FANK1: variants seen among roughly 807,000 people sequenced by gnomAD.
The protein encoded by FANK1 is fibronectin type III and ankyrin repeat domains 1.
Under a neutral mutation model 45.3 loss-of-function variants are expected in FANK1, and 44 were observed. That is an observed-to-expected ratio of 0.97 (90% CI 0.76 to 1.25). FANK1 has a LOEUF of 1.25. Ranked by LOEUF, FANK1 falls within the 50% of genes most tolerant of loss-of-function variation. The pLI is 0.00. For missense variants in FANK1, 391 were observed against 424.4 expected (o/e 0.92, Z 0.69); for synonymous variants, 149 against 152.5 (o/e 0.98, Z 0.17).
intron 3 of FANK1, among the ~76,000 whole-genome samples, chr10:125,992,472 G>A (rs1228874364): frequency 6.6e-6 from 1 of 152,156 alleles, no homozygotes; most frequent in Non-Finnish European, 1.5e-5. Flanking sequence ...CAAGGACTGA[G>A]GAACAATTAT....
At chr10:125,946,642 T>C (rs1261028914) in intron 1 of FANK1, among the ~76,000 whole-genome samples, 1 of 150,488 alleles carries the variant, frequency 6.6e-6, no homozygotes, top group African/African-American at 2.4e-5. Context: ...TTGGTGTACC[T>C]GAAAGTGATG....
intron 1 of FANK1, among the ~76,000 whole-genome samples, chr10:125,938,541 G>T (rs1948245480): frequency 6.6e-6 from 1 of 152,204 alleles, no homozygotes; most frequent in Admixed American, 6.5e-5. Flanking sequence ...TGACACGGTG[G>T]TTTACACCTG....
intron 1 of FANK1, among the ~76,000 whole-genome samples, chr10:125,955,054 T>C (rs1396090974): frequency 6.6e-6 from 1 of 152,044 alleles, no homozygotes; most frequent in Non-Finnish European, 1.5e-5. Flanking sequence ...TGTTGATTGC[T>C]TTGCTCCACC....
intron 1 of FANK1, among the ~76,000 whole-genome samples, chr10:125,956,128 C>T (rs1350499786): frequency 7.1e-6 from 1 of 140,026 alleles, no homozygotes; most frequent in Non-Finnish European, 1.5e-5. Context: ...AGGCGTTCTG[C>T]CTAGCAAGGA....
Position 125,918,414 on chromosome 10 carries a change from G to T in FANK1, c.13+21759G>T, listed in dbSNP as rs371646842. ...CTACTAAAAATACAAAAATTCGCTA[G>T]GTGTGGTGGCGGGTACCTGTAATCC... On this transcript the variant is annotated intron_variant, in intron 1 of 10. Coordinates refer to ENST00000368693, the MANE Select transcript of FANK1 (RefSeq NM_145235.5). Among the ~76,000 whole-genome samples the T allele has an allele frequency of 4.6e-5, 7 of 152,136 alleles. No homozygotes were observed. The South Asian group carries it at 1.4e-3, about 31-fold the overall frequency.
chr10:125,902,961 T>A (rs1469805250), intron 1 of FANK1, among the ~76,000 whole-genome samples: 2 of 152,150 alleles, frequency 1.3e-5, no homozygotes, highest in African/African-American at 4.8e-5. Context: ...TTAAAAAAAA[T>A]TTTCAAAGCA....
chr10:125,961,846 A>C (rs887384655), intron 1 of FANK1, among the ~76,000 whole-genome samples: 1 of 152,220 alleles, frequency 6.6e-6, no homozygotes, highest in Middle Eastern at 3.2e-3. Flanking sequence ...CAGGGAGCTC[A>C]GGCAGGTGGA....
intron 1 of FANK1, among the ~76,000 whole-genome samples, chr10:125,919,352 C>T (rs568630944): frequency 7.8e-4 from 118 of 151,710 alleles, no homozygotes; most frequent in African/African-American, 2.8e-3. Context: ...ATTACAGGCA[C>T]ACACCACCAC....
intron 6 of FANK1, among the ~76,000 whole-genome samples, chr10:125,998,195 C>T (rs1234503283): frequency 6.6e-6 from 1 of 152,212 alleles, no homozygotes; most frequent in African/African-American, 2.4e-5. Context: ...GCTTCAGGGG[C>T]TGTGGTCACA....
chr10:125,940,385 A>G (rs1948373171), intron 1 of FANK1, among the ~76,000 whole-genome samples: 1 of 152,146 alleles, frequency 6.6e-6, no homozygotes, highest in Non-Finnish European at 1.5e-5. Flanking sequence ...AAGGGAAGAT[A>G]CTATGCCTGG....
At chr10:125,899,698 A>G (rs972121291) in intron 1 of FANK1, among the ~76,000 whole-genome samples, 6 of 152,254 alleles carry the variant, frequency 3.9e-5, no homozygotes, top group Admixed American at 6.5e-5. Flanking sequence ...TGGAAGCACT[A>G]CAGACGTGGC....
chr10:125,978,174 A>C (rs574061332), intron 1 of FANK1, among the ~76,000 whole-genome samples: 1 of 152,310 alleles, frequency 6.6e-6, no homozygotes, highest in Admixed American at 6.5e-5. Context: ...GAAACAGCAA[A>C]TATGGCAGCC....
In FANK1 at chr10:125,931,259, A is replaced by G. The variant is rs575063088; in HGVS notation, c.13+34604A>G. Among the ~76,000 whole-genome samples, 10 of 152,308 alleles carry G rather than the reference A, an allele frequency of 6.6e-5. No homozygotes were observed. The East Asian group carries it at 1.5e-3, about 24-fold the overall frequency. ...TAGTGGAATTGCTGGATCAAATGGT[A>G]GTTCTACTTTTAGTTCTTTAAGGAA... is the stretch of plus-strand genomic sequence containing the variant. On this transcript the variant is annotated intron_variant, in intron 1 of 10. Coordinates refer to ENST00000368693, the MANE Select transcript of FANK1 (RefSeq NM_145235.5).
chr10:125,909,837 T>C (rs1250160626), intron 1 of FANK1, among the ~76,000 whole-genome samples: 1 of 152,058 alleles, frequency 6.6e-6, no homozygotes, highest in Admixed American at 6.6e-5. Context: ...TATCATTGTT[T>C]TTTAGTACTT....
chr10:125,930,116 A>T (rs968943787), intron 1 of FANK1, among the ~76,000 whole-genome samples: 25 of 152,002 alleles, frequency 1.6e-4, no homozygotes, highest in African/African-American at 6.0e-4. Context: ...GTGCAGTGGC[A>T]TGATCCTGGC....
At chr10:125,970,214 C>G (rs973291883) in intron 1 of FANK1, among the ~76,000 whole-genome samples, 2 of 151,608 alleles carry the variant, frequency 1.3e-5, no homozygotes, top group Non-Finnish European at 2.9e-5. Flanking sequence ...GGCAGAGGGG[C>G]CCCCCACCCC....
chr10:125,996,088 C>T (rs1024223253), intron 4 of FANK1, among the ~76,000 whole-genome samples: 7 of 152,208 alleles, frequency 4.6e-5, no homozygotes, highest in Admixed American at 1.3e-4. Flanking sequence ...AAAGCTGCTA[C>T]GCTGGAGTAT....
chr10:125,991,645 T>G (rs999410681), intron 3 of FANK1, among the ~76,000 whole-genome samples: 1 of 152,064 alleles, frequency 6.6e-6, no homozygotes, highest in African/African-American at 2.4e-5. Flanking sequence ...AGCCTTTTTT[T>G]TCCCCCCAGG....
intron 1 of FANK1, among the ~76,000 whole-genome samples, chr10:125,939,563 T>C (rs1482299257): frequency 6.6e-6 from 1 of 152,234 alleles, no homozygotes; most frequent in East Asian, 1.9e-4. Flanking sequence ...ATTTTTGAAA[T>C]AAGTTAGAAC....
Sources: allele counts gnomAD v4.1 joint callset (sites outside exome capture counted in the v4.1 genomes callset), GRCh38; gene constraint gnomAD v4.1.1; transcripts MANE v1.5; gene names NCBI Gene and HGNC (gene_info 2026-07-23, HGNC 2026-07-21).